The following FGF13 variants were observed in gnomAD, a reference collection of about 807,000 sequenced individuals.
The protein encoded by FGF13 is fibroblast growth factor homologous factor 2.
FGF13 carries 2 observed loss-of-function variants against 19.5 expected under a neutral mutation model. The observed-to-expected ratio is 0.10, with a 90% confidence interval of 0.04 to 0.32. The LOEUF is 0.32. Among genes scored for constraint, FGF13 ranks in the 10% least tolerant of loss-of-function variants. The pLI, the probability that FGF13 is intolerant of heterozygous loss-of-function variation, is 1.00. For missense variants in FGF13, 113 were observed against 192.7 expected (o/e 0.59, Z 2.45); for synonymous variants, 72 against 76.9 (o/e 0.94, Z 0.33).
intron 3 of FGF13, among the ~76,000 whole-genome samples, chrX:138,830,175 G>C (rs1176092040): frequency 8.9e-6 from 1 of 112,284 alleles, no homozygotes; most frequent in Non-Finnish European, 1.9e-5. Flanking sequence ...ATGGGCAGAG[G>C]CTGGAACAAT....
intron 1 of FGF13, among the ~76,000 whole-genome samples, chrX:138,968,888 T>A (rs939199697): frequency 1.8e-5 from 2 of 112,356 alleles, no homozygotes; most frequent in African/African-American, 6.5e-5. Context: ...TCACAGAATG[T>A]AAAGTCTATG....
At chrX:138,698,964 G>T (rs2089921639) in intron 3 of FGF13, among the ~76,000 whole-genome samples, 1 of 111,430 alleles carries the variant, frequency 9.0e-6, no homozygotes, top group Non-Finnish European at 1.9e-5. Flanking sequence ...ACAGGTAGTG[G>T]GCTGGATTTG....
chrX:139,081,802 T>G (rs748119166), intron 1 of FGF13, among the ~76,000 whole-genome samples: 1 of 110,722 alleles, frequency 9.0e-6, no homozygotes, highest in South Asian at 3.9e-4. Context: ...TCTGACTACT[T>G]TTCATCACCT....
intron 1 of FGF13, among the ~76,000 whole-genome samples, chrX:139,139,696 T>C (rs932093368): frequency 2.7e-5 from 3 of 112,219 alleles, no homozygotes; most frequent in African/African-American, 6.5e-5. Flanking sequence ...TCCATTCATT[T>C]ACTCAACAAA....
chrX:139,162,335 G>A (rs1162850172), intron 1 of FGF13, among the ~76,000 whole-genome samples: 7 of 112,176 alleles, frequency 6.2e-5, no homozygotes, highest in African/African-American at 2.3e-4. Flanking sequence ...TGGGAAAACT[G>A]GCTAGCCATA....
intron 1 of FGF13, among the ~76,000 whole-genome samples, chrX:139,141,067 A>AGATC (rs1262585492): frequency 2.3e-4 from 24 of 102,539 alleles, no homozygotes; most frequent in Middle Eastern, 4.9e-3. Context: ...ATAGATAGAT[A>AGATC]GATAGATAGA....
chrX:138,648,083 T>C (rs1423173134), intron 3 of FGF13, among the ~76,000 whole-genome samples: 5 of 112,025 alleles, frequency 4.5e-5, no homozygotes, highest in Admixed American at 9.5e-5. Flanking sequence ...TACAATTACA[T>C]TCACATGATC....
At chrX:139,185,041 AT>A (rs2084271955) in intron 1 of FGF13, among the ~76,000 whole-genome samples, 1 of 111,965 alleles carries the variant, frequency 8.9e-6, no homozygotes. Flanking sequence ...AAGTACTTGT[AT>A]TAAGTTTGTT....
At chrX:139,004,892 A>G (rs1255642164) in intron 1 of FGF13, among the ~76,000 whole-genome samples, 1 of 112,248 alleles carries the variant, frequency 8.9e-6, no homozygotes, top group Non-Finnish European at 1.9e-5. Context: ...GTGCCAGCTC[A>G]GCTGCAGTAC....
At chrX:139,123,397 A>G (rs1157226164) in intron 1 of FGF13, among the ~76,000 whole-genome samples, 1 of 111,534 alleles carries the variant, frequency 9.0e-6, no homozygotes, top group Non-Finnish European at 1.9e-5. Context: ...CACTCCCGCC[A>G]TGATGGCCTC....
chrX:139,042,988 T>C (rs1207819041), intron 1 of FGF13, among the ~76,000 whole-genome samples: 1 of 111,172 alleles, frequency 9.0e-6, no homozygotes, highest in South Asian at 3.8e-4. Context: ...TCAAGAAGTT[T>C]GTGTTTAATA....
chrX:138,740,358 C>T (rs186591093), upstream of FGF13, among the ~76,000 whole-genome samples: 192 of 111,930 alleles, frequency 1.7e-3, no homozygotes, highest in African/African-American at 5.9e-3. Flanking sequence ...ATATTCAGTG[C>T]TATATGGAAA....
intron 1 of FGF13, among the ~76,000 whole-genome samples, chrX:139,164,033 G>A (rs2084057729): frequency 9.0e-6 from 1 of 110,623 alleles, no homozygotes; most frequent in African/African-American, 3.3e-5. Context: ...TTAAGGTGGG[G>A]GCTGACAGCT....
intron 2 of FGF13, 66 bp downstream of exon 2, chrX:138,708,752 T>C: frequency 7.1e-6 from 5 of 700,368 alleles, no homozygotes; most frequent in Admixed American, 2.7e-5. Flanking sequence ...TATTTATTTT[T>C]AAAATAAATA....
intron 1 of FGF13, among the ~76,000 whole-genome samples, chrX:138,979,063 G>T (rs2091952855): frequency 8.9e-6 from 1 of 112,065 alleles, no homozygotes; most frequent in Admixed American, 9.5e-5. Flanking sequence ...TGCTTCAACT[G>T]CAAGTAATGT....
rs895678897 is a variant in FGF13 at position 138,629,657 on chromosome X, T to G, written c.*3193A>C. The stretch of plus-strand genomic sequence containing the variant: ...CTGTGAGTCAATTAAACCTCTTTCC[T>G]TTATAAATTACCCAGTCTCAGGTAG... On this transcript the variant is annotated 3_prime_UTR_variant, in exon 5 of 5. Transcript: ENST00000315930. 3 of 111,907 alleles carry G rather than the reference T, an allele frequency of 2.7e-5. No homozygotes were observed. The highest frequency in any genetic ancestry group is 9.8e-5 in the African/African-American group (3 of 30,727). 9.2% of individuals were successfully genotyped at this position (111,907 alleles called of 1,213,427 possible).
chrX:139,190,651 G>A (rs772287510), intron 1 of FGF13, among the ~76,000 whole-genome samples: 56 of 112,142 alleles, frequency 5.0e-4, no homozygotes, highest in Middle Eastern at 9.3e-3. Context: ...GATCTGTGGA[G>A]CATGGTGATT....
intron 1 of FGF13, among the ~76,000 whole-genome samples, chrX:138,981,961 T>C (rs2091965568): frequency 9.0e-6 from 1 of 111,454 alleles, no homozygotes; most frequent in South Asian, 3.7e-4. Context: ...TGACAAGGCT[T>C]GGAAGAAGAG....
intron 3 of FGF13, among the ~76,000 whole-genome samples, chrX:138,783,362 T>C (rs2090663137): frequency 1.9e-5 from 2 of 104,060 alleles, no homozygotes; most frequent in Admixed American, 2.1e-4. Context: ...GAAACTACCA[T>C]CAGAGTGAAC....
Sources: gnomAD v4.1 joint callset for allele counts (sites outside exome capture counted in the v4.1 genomes callset) on GRCh38, gnomAD v4.1.1 for gene constraint, MANE v1.5 for transcripts, NCBI Gene and HGNC (gene_info 2026-07-23, HGNC 2026-07-21) for gene names.